The following POC1B variants were observed in gnomAD, a reference collection of about 807,000 sequenced individuals.
The protein encoded by POC1B is POC1 centriolar protein B.
In POC1B, 44 loss-of-function variants were observed where a neutral mutation model predicts 60.6. The ratio of observed to expected loss-of-function variants is 0.73; its 90% CI spans 0.57 to 0.93. The LOEUF (loss-of-function observed/expected upper bound fraction) is 0.93. Among genes scored for constraint, POC1B ranks in the 40% least tolerant of loss-of-function variants. The pLI is 0.00. For synonymous variants in POC1B, 180 were observed against 198.9 expected (o/e 0.90, Z 0.80); for missense variants, 555 against 572.3 (o/e 0.97, Z 0.31).
the POC1B span, among the ~76,000 whole-genome samples, chr12:89,413,158 C>G: frequency 6.6e-6 from 1 of 152,110 alleles, no homozygotes; most frequent in African/African-American, 2.4e-5. Context: ...CCCAGCCTCC[C>G]AAAGTGCTGG....
intron 4 of POC1B, among the ~76,000 whole-genome samples, chr12:89,475,623 G>A (rs1036790427): frequency 6.6e-6 from 1 of 152,002 alleles, no homozygotes; most frequent in Non-Finnish European, 1.5e-5. Flanking sequence ...GTCCTTTATC[G>A]TCAGGGCTCA....
chr12:89,454,748 G>T (rs1422535457), intron 10 of POC1B, among the ~76,000 whole-genome samples: 1 of 152,012 alleles, frequency 6.6e-6, no homozygotes, highest in Non-Finnish European at 1.5e-5. Flanking sequence ...TGCATTCCCT[G>T]TACTATATAC....
chr12:89,451,645 A>C (rs1882045526), intron 10 of POC1B, among the ~76,000 whole-genome samples: 1 of 152,240 alleles, frequency 6.6e-6, no homozygotes, highest in South Asian at 2.1e-4. Context: ...TGAGATGGTA[A>C]GGTTCTAAAT....
chr12:89,425,573 T>C, intron 10 of POC1B, 194 bp from the exon 11 acceptor site: 1 of 457,148 alleles, frequency 2.2e-6, no homozygotes, highest in Non-Finnish European at 3.8e-6. Context: ...GAAACAAAGC[T>C]AACAGTGAAT....
chr12:89,428,475 A>C (rs1272431117), intron 10 of POC1B: 3 of 151,778 alleles, frequency 2.0e-5, no homozygotes, highest in Non-Finnish European at 4.4e-5. Context: ...TACTATGTTT[A>C]CTCTTCTCAT....
chr12:89,502,381 T>G (rs1869617651), intron 2 of POC1B: 1 of 1,591,198 alleles, frequency 6.3e-7, no homozygotes, highest in African/African-American at 1.3e-5. Context: ...GCAAATAGAT[T>G]ATCAAGGAAG....
At chr12:89,502,384 C>A in intron 2 of POC1B, 1 of 1,577,424 alleles carries the variant, frequency 6.3e-7, no homozygotes, top group Non-Finnish European at 8.7e-7. Context: ...AATAGATTAT[C>A]AAGGAAGGCC....
chr12:89,466,242 A>C (rs1882680007), intron 9 of POC1B, among the ~76,000 whole-genome samples: 1 of 152,232 alleles, frequency 6.6e-6, no homozygotes, highest in Admixed American at 6.5e-5. Flanking sequence ...AATTCATAGG[A>C]CCTAAGGGAA....
At chr12:89,426,756 A>G (rs945099282) in intron 10 of POC1B, 1 of 151,916 alleles carries the variant, frequency 6.6e-6, no homozygotes, top group Non-Finnish European at 1.5e-5. Context: ...CCTGGGAGAC[A>G]GACGTTGCAG....
intron 10 of POC1B, among the ~76,000 whole-genome samples, chr12:89,457,631 G>A (rs1882312166): frequency 1.3e-5 from 2 of 152,134 alleles, no homozygotes; most frequent in African/African-American, 4.8e-5. Context: ...TTGTTTGCTG[G>A]ATTTTTATAT....
intron 2 of POC1B, chr12:89,524,106 C>T: frequency 6.2e-7 from 1 of 1,613,948 alleles, no homozygotes; most frequent in Non-Finnish European, 8.5e-7. Flanking sequence ...GCAAAGTCGA[C>T]CAGGCTTCGT....
intron 2 of POC1B, among the ~76,000 whole-genome samples, chr12:89,510,944 AGGG>A: frequency 6.6e-6 from 1 of 151,654 alleles, no homozygotes; most frequent in East Asian, 2.0e-4. Context: ...TAGTACAGAC[AGGG>A]TTTCACCATG....
chr12:89,402,725 G>T, the POC1B span, among the ~76,000 whole-genome samples: 1 of 152,104 alleles, frequency 6.6e-6, no homozygotes, highest in Admixed American at 6.6e-5. Context: ...TGGTTGCATA[G>T]TATTCTATGG....
At chr12:89,415,598 G>C (rs1019651464), downstream of POC1B, among the ~76,000 whole-genome samples, 5 of 151,164 alleles carry the variant, frequency 3.3e-5, no homozygotes, top group Non-Finnish European at 5.9e-5. Flanking sequence ...AGCCGAGATC[G>C]CGCCACTGCA....
Position 89,525,219 on chromosome 12 carries a change from T to C in POC1B, c.16-15A>G, listed in dbSNP as rs1871346173. 3 of 1,599,544 alleles carry C rather than the reference T, an allele frequency of 1.9e-6. No homozygotes were observed. The highest frequency in any genetic ancestry group is 2.3e-5 in the East Asian group (1 of 43,284). ...ACGGGGTCCTCCTGGAAAGGAAAGTTGTCAAGTTTTGAAAGCCGCCGCAGA... is the reference window on the plus strand; with the variant it reads ...ACGGGGTCCTCCTGGAAAGGAAAGTCGTCAAGTTTTGAAAGCCGCCGCAGA... On this transcript the variant is annotated splice_polypyrimidine_tract_variant and intron_variant, in intron 1 of 11. Coordinates refer to ENST00000313546, the MANE Select transcript of POC1B (RefSeq NM_172240.3).
chr12:89,441,026 C>A (rs1881489498), intron 10 of POC1B, among the ~76,000 whole-genome samples: 1 of 152,218 alleles, frequency 6.6e-6, no homozygotes, highest in Admixed American at 6.5e-5. Context: ...GCTAGCACAG[C>A]AGTCTGAGAT....
chr12:89,433,924 T>C (rs1398765360), intron 10 of POC1B, among the ~76,000 whole-genome samples: 1 of 152,258 alleles, frequency 6.6e-6, no homozygotes, highest in Non-Finnish European at 1.5e-5. Context: ...CAGATGGGGC[T>C]GTCACAGGAC....
intron 2 of POC1B, chr12:89,524,201 CTA>C (rs1339018725): frequency 2.5e-6 from 4 of 1,613,884 alleles, no homozygotes; most frequent in Non-Finnish European, 2.5e-6. Context: ...CTTTTATCCT[CTA>C]TGTGTCGATG....
intron 2 of POC1B, chr12:89,502,536 G>A: frequency 8.9e-7 from 1 of 1,119,686 alleles, no homozygotes; most frequent in Non-Finnish European, 1.3e-6. Flanking sequence ...AGAAAGACTA[G>A]CTTAATGGTA....
Sources: gnomAD v4.1 joint callset for allele counts (sites outside exome capture counted in the v4.1 genomes callset) on GRCh38, gnomAD v4.1.1 for gene constraint, MANE v1.5 for transcripts, NCBI Gene and HGNC (gene_info 2026-07-23, HGNC 2026-07-21) for gene names.